The following GLRA1 variants were observed in gnomAD, a reference collection of about 807,000 sequenced individuals.
GLRA1 encodes the protein glycine receptor subunit alpha-1.
In GLRA1, 37 loss-of-function variants were observed where a neutral mutation model predicts 48.3. The ratio of observed to expected loss-of-function variants is 0.77; its 90% CI spans 0.59 to 1.01. GLRA1 has a LOEUF of 1.01. Ranked by LOEUF, GLRA1 falls within the 50% of genes least tolerant of loss-of-function variation. The pLI is 0.00. For missense variants in GLRA1, 427 were observed against 571.0 expected (o/e 0.75, Z 2.57); for synonymous variants, 196 against 210.7 (o/e 0.93, Z 0.60).
chr5:151,874,019 G>C (rs1307081411), intron 3 of GLRA1, among the ~76,000 whole-genome samples: 1 of 152,170 alleles, frequency 6.6e-6, no homozygotes, highest in Admixed American at 6.5e-5. Context: ...AGAGCACCCT[G>C]GTGGTGAAGG....
intron 4 of GLRA1, among the ~76,000 whole-genome samples, chr5:151,859,480 TGA>T (rs1406860103): frequency 1.3e-4 from 20 of 152,254 alleles, no homozygotes; most frequent in Admixed American, 1.3e-3. Context: ...TAATCATGCT[TGA>T]ATACTCTTTC....
At chr5:151,848,362 C>T (rs1221299448) in intron 7 of GLRA1, among the ~76,000 whole-genome samples, 1 of 152,130 alleles carries the variant, frequency 6.6e-6, no homozygotes, top group Non-Finnish European at 1.5e-5. Flanking sequence ...AGAGCAGACT[C>T]TGTTTTTCTT....
In GLRA1 at chr5:151,828,913, A is replaced by C; in HGVS notation, c.1059+8T>G. The C allele has an allele frequency of 6.2e-7, 1 of 1,613,486 alleles. No individual in the cohort carries two copies. Among genetic ancestry groups the C allele is most frequent in the Non-Finnish European group, 8.5e-7 (1 of 1,179,558 alleles). On this transcript the variant is annotated splice_region_variant and intron_variant, in intron 8 of 8. Coordinates refer to ENST00000274576, the MANE Select transcript of GLRA1 (RefSeq NM_000171.4). ...TGTCCCTCCTTAGGCAGTGACCCAA[A>C]GGCCTACCTTGTGATGTCTCCGCTT...
intron 2 of GLRA1, among the ~76,000 whole-genome samples, chr5:151,887,369 C>T (rs1366053151): frequency 1.3e-5 from 2 of 152,214 alleles, no homozygotes; most frequent in African/African-American, 4.8e-5. Context: ...CACTGGTTTG[C>T]TGTCTCATTC....
chr5:151,825,382 G>T (rs1763248248), intron 8 of GLRA1, among the ~76,000 whole-genome samples: 1 of 152,134 alleles, frequency 6.6e-6, no homozygotes, highest in African/African-American at 2.4e-5. Context: ...GCTGCTTTGG[G>T]TGAATTATTC....
At chr5:151,872,758 A>G (rs948721127) in intron 3 of GLRA1, among the ~76,000 whole-genome samples, 7 of 149,992 alleles carry the variant, frequency 4.7e-5, no homozygotes, top group Non-Finnish European at 1.0e-4. Context: ...TTAATCTAAT[A>G]ATAAATAATA....
At chr5:151,881,947 A>G (rs1304141618) in intron 3 of GLRA1, among the ~76,000 whole-genome samples, 1 of 152,126 alleles carries the variant, frequency 6.6e-6, no homozygotes, top group Non-Finnish European at 1.5e-5. Flanking sequence ...CTATGTCCAT[A>G]TTACCTTGGA....
chr5:151,822,779 A>G lies in GLRA1; in HGVS notation c.1244T>C (p.Ile415Thr). 1 of 1,613,964 alleles carries G rather than the reference A, an allele frequency of 6.2e-7. No homozygotes were observed. Among genetic ancestry groups the G allele is most frequent in the Non-Finnish European group, 8.5e-7 (1 of 1,179,906 alleles). The change falls in exon 9 of 9, where the codon ATC becomes ACC. Residue 415 changes from isoleucine to threonine, a missense_variant. Coordinates refer to ENST00000274576, the MANE Select transcript of GLRA1 (RefSeq NM_000171.4). ...RKLFIQRAKK[I>T]DKISRIGFPM... is the part of the protein sequence containing the mutation. ...GAAGCCAATGCGGGATATTTTGTCG[A>G]TCTTCTTGGCCCTCTGGATGAAGAG...
intron 3 of GLRA1, among the ~76,000 whole-genome samples, chr5:151,876,835 G>A (rs1042140679): frequency 6.6e-6 from 1 of 152,160 alleles, no homozygotes; most frequent in Non-Finnish European, 1.5e-5. Context: ...TGAAGATGGA[G>A]TCTTTAAGGA....
chr5:151,896,267 G>A (rs1024065281), intron 1 of GLRA1, among the ~76,000 whole-genome samples: 2 of 152,216 alleles, frequency 1.3e-5, no homozygotes, highest in African/African-American at 4.8e-5. Context: ...CCGAAGTGGA[G>A]GGAATGAAGA....
At chr5:151,879,497 G>C (rs1044884294) in intron 3 of GLRA1, among the ~76,000 whole-genome samples, 8 of 152,046 alleles carry the variant, frequency 5.3e-5, no homozygotes, top group Non-Finnish European at 1.2e-4. Flanking sequence ...GGGACTACAG[G>C]CTTGCACTAA....
intron 3 of GLRA1, among the ~76,000 whole-genome samples, chr5:151,863,987 C>T (rs2113367063): frequency 6.6e-6 from 1 of 152,228 alleles, no homozygotes; most frequent in South Asian, 2.1e-4. Context: ...CTTATAAGTC[C>T]CATGGTGGTG....
intron 2 of GLRA1, among the ~76,000 whole-genome samples, chr5:151,890,563 T>G (rs1228174356): frequency 6.6e-6 from 1 of 152,198 alleles, no homozygotes; most frequent in Non-Finnish European, 1.5e-5. Context: ...AGTTGTCAAT[T>G]TGCAAGATTT....
intron 1 of GLRA1, among the ~76,000 whole-genome samples, chr5:151,917,477 A>C (rs960283102): frequency 3.3e-5 from 5 of 152,234 alleles, no homozygotes; most frequent in African/African-American, 1.2e-4. Flanking sequence ...GACATACAAA[A>C]GCTGTACATA....
At chr5:151,837,505 A>C (rs997596512) in intron 7 of GLRA1, among the ~76,000 whole-genome samples, 1 of 152,216 alleles carries the variant, frequency 6.6e-6, no homozygotes, top group Non-Finnish European at 1.5e-5. Flanking sequence ...ATAAAGACAC[A>C]TGCACACGTA....
intron 1 of GLRA1, among the ~76,000 whole-genome samples, chr5:151,899,817 A>G (rs1437773476): frequency 2.0e-5 from 3 of 152,208 alleles, no homozygotes; most frequent in Middle Eastern, 3.4e-3. Context: ...CCTGAGCCCA[A>G]TTCACCTCAG....
intron 7 of GLRA1, among the ~76,000 whole-genome samples, chr5:151,847,911 G>C (rs1257154516): frequency 1.3e-5 from 2 of 152,202 alleles, no homozygotes; most frequent in Admixed American, 1.3e-4. Flanking sequence ...TCTAGCATAA[G>C]GGTGAATGGA....
chr5:151,886,496 A>C (rs1753910176), intron 3 of GLRA1, among the ~76,000 whole-genome samples: 1 of 152,204 alleles, frequency 6.6e-6, no homozygotes, highest in Non-Finnish European at 1.5e-5. Flanking sequence ...GGTGTTTGGC[A>C]GGTGCTTGCC....
chr5:151,900,004 T>C (rs141550158), intron 1 of GLRA1, among the ~76,000 whole-genome samples: 281 of 152,334 alleles, frequency 1.8e-3, no homozygotes, highest in Non-Finnish European at 3.4e-3. Context: ...AAATCTCATC[T>C]GGTTCTGCCT....
Sources: allele counts gnomAD v4.1 joint callset (sites outside exome capture counted in the v4.1 genomes callset), GRCh38; gene constraint gnomAD v4.1.1; transcripts MANE v1.5; gene names NCBI Gene and HGNC (gene_info 2026-07-23, HGNC 2026-07-21).